The following IL25 variants were observed in gnomAD, a reference collection of about 807,000 sequenced individuals.
IL25 encodes interleukin 25, also known as interleukin-25.
A neutral mutation model predicts 13.2 loss-of-function variants in IL25; 10 were observed. That is an observed-to-expected ratio of 0.76 (90% CI 0.47 to 1.29). The LOEUF is 1.29. Among genes scored for constraint, IL25 ranks in the 50% most tolerant of loss-of-function variants. The pLI, the probability that IL25 is intolerant of heterozygous loss-of-function variation, is 0.00. For missense variants in IL25, 235 were observed against 232.4 expected (o/e 1.01, Z -0.07); for synonymous variants, 107 against 92.1 (o/e 1.16, Z -0.93).
intron 1 of IL25, among the ~76,000 whole-genome samples, chr14:23,374,178 G>A (rs1464869008): frequency 2.0e-5 from 3 of 152,084 alleles, no homozygotes; most frequent in Non-Finnish European, 2.9e-5. Flanking sequence ...ATCTAGTGTG[G>A]ACACTACAGG....
At chr14:23,374,712 A>T (rs1595036482) in intron 1 of IL25, among the ~76,000 whole-genome samples, 1 of 144,164 alleles carries the variant, frequency 6.9e-6, no homozygotes, top group African/African-American at 2.6e-5. Context: ...AGTGTTTTTC[A>T]TCTTTCTTTC....
At chr14:23,373,339 G>A (rs769713378) in exon 1 of IL25, 1 of 1,614,050 alleles carries the variant, frequency 6.2e-7, no homozygotes, top group Non-Finnish European at 8.5e-7. Context: ...CCAGAGTCCT[G>A]TAGGGCCAGT....
At chr14:23,375,794 G>T (rs772428383) in exon 2 of IL25, 1 of 1,614,246 alleles carries the variant, frequency 6.2e-7, no homozygotes. Context: ...TGGCGAGAAG[G>T]GCACCCACAA....
rs1283761330 is a variant in IL25, at chr14:23,372,984, A to T, written c.-135A>T. The T allele has an allele frequency of 1.2e-6, 2 of 1,613,914 alleles. No individual in the cohort carries two copies. The highest frequency in any genetic ancestry group is 1.3e-5 in the African/African-American group (1 of 75,050). On this transcript the variant is annotated 5_prime_UTR_variant, in exon 1 of 2. Coordinates refer to ENST00000329715, the Ensembl canonical transcript of IL25. ...TGCCCAGCATGTACCAGGTCAGTGC[A>T]GAGGGCTGCCTGAGGGCTGTGCTGA... is the stretch of plus-strand genomic sequence containing the variant.
In IL25 at chr14:23,374,335, C is replaced by T. The variant is rs149868176; in HGVS notation, c.278+939C>T. ...TGGGAGTCTGTGAACCCGAGAACCACTCAGGTGGCTTTCCCCAAAGTGTGT... is the reference window on the plus strand; with the variant it reads ...TGGGAGTCTGTGAACCCGAGAACCATTCAGGTGGCTTTCCCCAAAGTGTGT... On this transcript the variant is annotated intron_variant, in intron 1 of 1. Transcript: ENST00000329715. Among the ~76,000 whole-genome samples the T allele has an allele frequency of 1.2e-4, 18 of 152,316 alleles. No homozygotes were observed. The East Asian group carries it at 2.9e-3, about 24-fold the overall frequency.
exon 2 of IL25, chr14:23,376,216 A>C: frequency 3.3e-6 from 1 of 298,916 alleles, no homozygotes; most frequent in Non-Finnish European, 6.2e-6. Flanking sequence ...CACTTTCTAG[A>C]TATTTCCCCC....
exon 1 of IL25, chr14:23,372,877 A>T: frequency 8.3e-7 from 1 of 1,205,910 alleles, no homozygotes; most frequent in Non-Finnish European, 1.2e-6. Context: ...CTGAAAATAA[A>T]ATCAGGACTC....
Position 23,373,264 on chromosome 14 carries a change from AG to A in IL25, c.148del (p.Glu50SerfsTer3), listed in dbSNP as rs1890461507. ...CCCAGCAAAGGGCAGGACACCTCTG[AG>A]GAGCTGCTGAGGTGGAGCACTGTGC... On this transcript the variant is annotated frameshift_variant, in exon 1 of 2. Transcript: ENST00000329715. LOFTEE classifies it high-confidence loss of function. The A allele has an allele frequency of 6.2e-7, 1 of 1,614,178 alleles. No individual in the cohort carries two copies. Among genetic ancestry groups the A allele is most frequent in the African/African-American group, 1.3e-5 (1 of 75,050 alleles).
At chr14:23,375,558 C>T (rs1890523133) in intron 1 of IL25, 67 bp from the exon 3 acceptor site, 1 of 1,558,950 alleles carries the variant, frequency 6.4e-7, no homozygotes, top group Admixed American at 1.8e-5. Context: ...TCTGGCACTC[C>T]CATGCCACCC....
At chr14:23,373,444 G>A (rs1890468164) in intron 1 of IL25, 48 bp downstream of exon 2, 1 of 1,517,686 alleles carries the variant, frequency 6.6e-7, no homozygotes, top group African/African-American at 1.4e-5. Context: ...GTGCTGGCCA[G>A]GGTATGCGTG....
chr14:23,372,969 G>T, exon 1 of IL25: 2 of 1,613,850 alleles, frequency 1.2e-6, no homozygotes, highest in Non-Finnish European at 1.7e-6. Context: ...TGCCCAGCAT[G>T]TACCAGGTCA....
chr14:23,373,469 T>C (rs1177287390), intron 1 of IL25, 73 bp downstream of exon 2: 1 of 1,329,554 alleles, frequency 7.5e-7, no homozygotes, highest in African/African-American at 1.5e-5. Context: ...ACCAGGGCAA[T>C]TCCAGCTTAC....
intron 1 of IL25, 24 bp from the exon 3 acceptor site, chr14:23,375,601 G>A: frequency 6.2e-7 from 1 of 1,606,258 alleles, no homozygotes; most frequent in Admixed American, 1.7e-5. Context: ...TCTTTCCAAG[G>A]CCTGACAAGT....
At chr14:23,372,818 C>A, upstream of IL25, 1 of 749,452 alleles carries the variant, frequency 1.3e-6, no homozygotes, top group Non-Finnish European at 2.2e-6. Flanking sequence ...CCTCAAGTCA[C>A]TCCCTAAAAA....
In IL25 at chr14:23,373,297, C is replaced by T. The variant is rs1241405892; in HGVS notation, c.179C>T (p.Pro60Leu). 3 of 1,614,180 alleles carry T rather than the reference C, an allele frequency of 1.9e-6. No homozygotes were observed. In the South Asian group the frequency reaches 3.3e-5, roughly 18 times the overall value. The change falls in exon 1 of 2, where the codon CCT becomes CTT. Residue 60 changes from proline to leucine, a missense_variant. Transcript: ENST00000329715. ...CTGAGGTGGAGCACTGTGCCTGTGCCTCCCCTAGAGCCTGCTAGGCCCAAC... is the reference window on the plus strand; with the variant it reads ...CTGAGGTGGAGCACTGTGCCTGTGCTTCCCCTAGAGCCTGCTAGGCCCAAC...
rs564058246 is a variant in IL25 at position 23,374,876 on chromosome 14, G to A, written c.279-749G>A. Reference sequence around the variant, plus strand: ...AGGATAGCTTCTTCTGGGGAGTGGGGCTGGTAGGGAGAGACTATTAACTTT... The same window carrying A: ...AGGATAGCTTCTTCTGGGGAGTGGGACTGGTAGGGAGAGACTATTAACTTT... On this transcript the variant is annotated intron_variant, in intron 1 of 1. Coordinates refer to ENST00000329715, the Ensembl canonical transcript of IL25. Among the ~76,000 whole-genome samples, 120 of 152,232 alleles carry A rather than the reference G, an allele frequency of 7.9e-4. 1 individual carries two copies. The highest frequency in any genetic ancestry group is 1.4e-3 in the Non-Finnish European group (98 of 68,018).
At chr14:23,373,111 G>C (rs768606935) in exon 1 of IL25, 3 of 1,613,902 alleles carry the variant, frequency 1.9e-6, no homozygotes, top group East Asian at 2.2e-5. Context: ...CCCAGGGGGA[G>C]GGTGCAGATG....
chr14:23,373,441 C>T, intron 1 of IL25, 45 bp downstream of exon 2: 1 of 1,536,358 alleles, frequency 6.5e-7, no homozygotes, highest in South Asian at 1.2e-5. Flanking sequence ...TGTGTGCTGG[C>T]CAGGGTATGC....
intron 1 of IL25, among the ~76,000 whole-genome samples, chr14:23,375,239 C>CA (rs1850499825): frequency 1.3e-5 from 2 of 151,820 alleles, no homozygotes; most frequent in South Asian, 4.2e-4. Flanking sequence ...TACTCCGTCT[C>CA]AAAAAAACAA....
Sources: allele counts gnomAD v4.1 joint callset (sites outside exome capture counted in the v4.1 genomes callset), GRCh38; gene constraint gnomAD v4.1.1; transcripts MANE v1.5; gene names NCBI Gene and HGNC (gene_info 2026-07-23, HGNC 2026-07-21).